Variants in PEX1 observed in about 807,000 individuals in gnomAD.
PEX1 encodes the protein peroxisomal biogenesis factor 1.
PEX1 carries 97 observed loss-of-function variants against 152.5 expected under a neutral mutation model. The ratio of observed to expected loss-of-function variants is 0.64; its 90% CI spans 0.54 to 0.75. The LOEUF is 0.75. Among genes scored for constraint, PEX1 ranks in the 30% least tolerant of loss-of-function variants. PEX1 has a pLI of 0.00. For synonymous variants in PEX1, 485 were observed against 531.6 expected (o/e 0.91, Z 1.21); for missense variants, 1,357 against 1,516.3 (o/e 0.89, Z 1.74).
chr7:92,512,453 G>A (rs117899596), intron 6 of PEX1, among the ~76,000 whole-genome samples: 9,832 of 152,244 alleles, frequency 0.065, 402 homozygotes, highest in Non-Finnish European at 0.086. Context: ...CTCCTGAGTA[G>A]CTAGGACTAC....
intron 2 of PEX1, 98 bp from the exon 3 acceptor site, chr7:92,519,176 A>G: frequency 1.4e-6 from 1 of 722,704 alleles, no homozygotes; most frequent in Non-Finnish European, 2.4e-6. Flanking sequence ...TAGGTTAAGT[A>G]GATGTGTGTG....
chr7:92,495,743 AAAAT>A (rs1209051764), intron 17 of PEX1, among the ~76,000 whole-genome samples: 1 of 152,080 alleles, frequency 6.6e-6, no homozygotes, highest in African/African-American at 2.4e-5. Flanking sequence ...CGGTGTTCAA[AAAAT>A]AAATCTTGGC....
In PEX1 at chr7:92,521,337, C is replaced by T. The variant is rs1162993132; in HGVS notation, c.273+765G>A. Reference sequence around the variant, plus strand: ...TAAACATAAGAAAACAAAAGATAGACATAGGTATTCAAGCTTTCAGGTTTA... The same window carrying T: ...TAAACATAAGAAAACAAAAGATAGATATAGGTATTCAAGCTTTCAGGTTTA... On this transcript the variant is annotated intron_variant, in intron 2 of 23. Transcript: ENST00000248633. Among the ~76,000 whole-genome samples, 3 of 152,150 alleles carry T rather than the reference C, an allele frequency of 2.0e-5. No homozygotes were observed. In the East Asian group the frequency reaches 5.8e-4, roughly 29 times the overall value.
chr7:92,503,651 T>C (rs369095735), intron 12 of PEX1, among the ~76,000 whole-genome samples: 1 of 152,110 alleles, frequency 6.6e-6, no homozygotes, highest in Admixed American at 6.6e-5. Context: ...AGAACTGAAA[T>C]AGGCATTAAT....
chr7:92,518,104 T>G (rs1374078660), intron 4 of PEX1, 37 bp downstream of exon 4: 1 of 1,605,578 alleles, frequency 6.2e-7, no homozygotes, highest in African/African-American at 1.3e-5. Context: ...AATGCTATAG[T>G]GTAGAATATG....
intron 10 of PEX1, 171 bp from the exon 11 acceptor site, chr7:92,506,515 G>A (rs1287013192): frequency 2.1e-5 from 13 of 606,124 alleles, no homozygotes; most frequent in East Asian, 1.1e-4. Context: ...AGATTTACAC[G>A]GATAGCAAAA....
Position 92,504,758 on chromosome 7 carries a change from G to A in PEX1, c.2045C>T (p.Ala682Val), listed in dbSNP as rs145350631. 5.6e-5 allele frequency: 90 copies of A among 1,614,082 alleles called. No individual in the cohort carries two copies. The African/African-American group carries it at 7.3e-4, about 13-fold the overall frequency. ...AVPEHEHSPD[A>V]VQSQRLAHAL... ...ATGAGCAAGCCGCTGGCTCTGCACC[G>A]CATCAGGACTGTGCTCATGTTCCGG... The change falls in exon 12 of 24, where the codon GCG becomes GTG. Residue 682 changes from alanine to valine, a missense_variant. Transcript: ENST00000248633.
At chr7:92,496,635 AAAAC>A in intron 17 of PEX1, 74 bp downstream of exon 17, 1 of 981,370 alleles carries the variant, frequency 1.0e-6, no homozygotes, top group South Asian at 1.3e-5. Flanking sequence ...AGTTCTTCAA[AAAAC>A]AAGACCAAAA....
chr7:92,514,749 G>C (rs1400408330), intron 5 of PEX1, among the ~76,000 whole-genome samples: 1 of 152,050 alleles, frequency 6.6e-6, no homozygotes, highest in Admixed American at 6.6e-5. Flanking sequence ...TGACTGAATT[G>C]TACACTTTAA....
intron 19 of PEX1, chr7:92,493,941 C>G: frequency 7.2e-6 from 2 of 276,546 alleles, no homozygotes. Flanking sequence ...TACATGCTTA[C>G]GATTCACATG....
intron 10 of PEX1, 52 bp from the exon 11 acceptor site, chr7:92,506,396 AG>A: frequency 1.8e-6 from 2 of 1,131,892 alleles, no homozygotes; most frequent in Non-Finnish European, 2.7e-6. Flanking sequence ...TCACAGAAAT[AG>A]TTCCTGTCAT....
chr7:92,498,068 GAA>G (rs781116048), intron 16 of PEX1, among the ~76,000 whole-genome samples: 3 of 50,992 alleles, frequency 5.9e-5, no homozygotes, highest in South Asian at 6.6e-4. Context: ...CAGTCTCAGA[GAA>G]AAAAAAAAAA....
Position 92,501,488 on chromosome 7 carries a change from T to C in PEX1, c.2583+19A>G, listed in dbSNP as rs1791922944. On this transcript the variant is annotated intron_variant, in intron 15 of 23. Coordinates refer to ENST00000248633, the MANE Select transcript of PEX1 (RefSeq NM_000466.3). ...TTCTTCTGGGAGTAAGTATTCACTT[T>C]TTCTTTTTTTAAACATACCTTGGCA... 2.5e-6 allele frequency: 4 copies of C among 1,605,606 alleles called. No individual in the cohort carries two copies. Among genetic ancestry groups the C allele is most frequent in the South Asian group, 1.1e-5 (1 of 90,900 alleles).
intron 23 of PEX1, 68 bp downstream of exon 23, chr7:92,489,225 A>T: frequency 7.6e-7 from 1 of 1,309,884 alleles, no homozygotes; most frequent in Non-Finnish European, 1.1e-6. Flanking sequence ...CGAACTTTAA[A>T]GGTTTAAGTG....
chr7:92,510,383 C>G (rs1055979370), intron 8 of PEX1, among the ~76,000 whole-genome samples: 1 of 149,290 alleles, frequency 6.7e-6, no homozygotes, highest in African/African-American at 2.5e-5. Context: ...GGAGAATCAC[C>G]TGAGCCTGGG....
chr7:92,524,552 C>G (rs1170939255), intron 1 of PEX1, among the ~76,000 whole-genome samples: 1 of 152,196 alleles, frequency 6.6e-6, no homozygotes, highest in East Asian at 1.9e-4. Flanking sequence ...CAGGCGTGAG[C>G]CACCATAGCC....
chr7:92,524,291 G>C (rs1216622499), intron 1 of PEX1, among the ~76,000 whole-genome samples: 2 of 146,798 alleles, frequency 1.4e-5, no homozygotes, highest in African/African-American at 5.1e-5. Flanking sequence ...TTCTTGAGAC[G>C]GAGACTCACT....
At chr7:92,508,447 A>G (rs1792302739) in intron 9 of PEX1, among the ~76,000 whole-genome samples, 2 of 152,020 alleles carry the variant, frequency 1.3e-5, no homozygotes, top group African/African-American at 4.8e-5. Flanking sequence ...CTGATGCGGA[A>G]GGATTGCTTG....
intron 1 of PEX1, among the ~76,000 whole-genome samples, chr7:92,522,510 T>C (rs946352951): frequency 3.9e-5 from 6 of 152,206 alleles, no homozygotes; most frequent in African/African-American, 1.4e-4. Flanking sequence ...ATGGCAGCAG[T>C]CAGTCAATAA....
Sources: gnomAD v4.1 joint callset for allele counts (sites outside exome capture counted in the v4.1 genomes callset) on GRCh38, gnomAD v4.1.1 for gene constraint, MANE v1.5 for transcripts, NCBI Gene and HGNC (gene_info 2026-07-23, HGNC 2026-07-21) for gene names.